CTNNA3: variants seen among roughly 807,000 people sequenced by gnomAD.
CTNNA3 encodes catenin alpha-3.
In CTNNA3, 76 loss-of-function variants were observed where a neutral mutation model predicts 95.7. That is an observed-to-expected ratio of 0.79 (90% CI 0.66 to 0.96). The LOEUF is 0.96. Among genes scored for constraint, CTNNA3 ranks in the 40% least tolerant of loss-of-function variants. CTNNA3 has a pLI of 0.00. For missense variants in CTNNA3, 1,191 were observed against 1,089.8 expected (o/e 1.09, Z -1.31); for synonymous variants, 431 against 374.4 (o/e 1.15, Z -1.74).
intron 1 of CTNNA3, among the ~76,000 whole-genome samples, chr10:67,669,471 G>A (rs147122724): frequency 6.6e-6 from 1 of 152,104 alleles, no homozygotes; most frequent in Non-Finnish European, 1.5e-5. Context: ...GAGAAGAAAT[G>A]TCATAATAAG....
At chr10:66,465,640 C>T (rs1838881487) in intron 11 of CTNNA3, among the ~76,000 whole-genome samples, 1 of 152,080 alleles carries the variant, frequency 6.6e-6, no homozygotes, top group Admixed American at 6.6e-5. Flanking sequence ...GAATCAGACT[C>T]AGGAAGCACA....
In CTNNA3 at chr10:67,407,026, C is replaced by A. The variant is rs1845162970; in HGVS notation, c.579+114816G>T. On this transcript the variant is annotated intron_variant, in intron 5 of 17. Transcript: ENST00000433211. ...TGGTACCATTCCTATTGAAACTATT[C>A]CAAACAATTGAAAAGCAGGGACTCC... is the stretch of plus-strand genomic sequence containing the variant. Among the ~76,000 whole-genome samples the A allele has an allele frequency of 1.3e-5, 2 of 152,134 alleles. 1 individual carries two copies. Among genetic ancestry groups the A allele is most frequent in the South Asian group, 4.1e-4 (2 of 4,820 alleles).
At chr10:67,169,998 G>T (rs1861944873) in intron 7 of CTNNA3, among the ~76,000 whole-genome samples, 1 of 152,090 alleles carries the variant, frequency 6.6e-6, no homozygotes, top group Non-Finnish European at 1.5e-5. Context: ...ACATAGATGT[G>T]GCCAACTAGC....
intron 10 of CTNNA3, among the ~76,000 whole-genome samples, chr10:66,551,355 A>G (rs1842209412): frequency 6.6e-6 from 1 of 152,082 alleles, no homozygotes; most frequent in Non-Finnish European, 1.5e-5. Context: ...GCATTCCTGT[A>G]AGTAATATAC....
intron 16 of CTNNA3, among the ~76,000 whole-genome samples, chr10:65,976,913 C>T (rs191413110): frequency 1.3e-5 from 2 of 152,094 alleles, no homozygotes; most frequent in African/African-American, 4.8e-5. Flanking sequence ...TTCTTTCAAA[C>T]CATAGGTTGT....
intron 3 of CTNNA3, 58 bp from the exon 4 acceptor site, chr10:67,539,727 G>A: frequency 6.7e-7 from 1 of 1,488,438 alleles, no homozygotes; most frequent in East Asian, 2.3e-5. Context: ...CCTATTTCAG[G>A]ATTTATCAGC....
Position 66,508,210 on chromosome 10 carries a change from G to GTTTTTTTTTTTTTTTTTTTTTTTTTT in CTNNA3, c.1531+12406_1531+12407insAAAAAAAAAAAAAAAAAAAAAAAAAA, listed in dbSNP as rs756807793. ...TTTTTTTTGTTTTGTTTTGTTTTCTGTTTTTTTTTTTTTTAACAATTTCGT... is the reference window on the plus strand; with the variant it reads ...TTTTTTTTGTTTTGTTTTGTTTTCTGTTTTTTTTTTTTTTTTTTTTTTTTTTTTTTTTTTTTTTTTAACAATTTCGT... On this transcript the variant is annotated intron_variant, in intron 11 of 17. Transcript: ENST00000433211. Among the ~76,000 whole-genome samples the GTTTTTTTTTTTTTTTTTTTTTTTTTT allele has an allele frequency of 6.6e-4, 72 of 108,388 alleles. 2 individuals carry two copies. The highest frequency in any genetic ancestry group is 1.6e-3 in the African/African-American group (45 of 28,294). The allele number at this position is 108,388 out of a possible 152,430, so 71.1% of individuals were successfully genotyped here.
intron 7 of CTNNA3, among the ~76,000 whole-genome samples, chr10:66,936,973 T>C (rs1338231422): frequency 6.6e-6 from 1 of 152,174 alleles, no homozygotes; most frequent in Non-Finnish European, 1.5e-5. Flanking sequence ...TAAAGCACTC[T>C]GAAATCATCC....
At chr10:66,383,334 G>T (rs911971948) in intron 11 of CTNNA3, among the ~76,000 whole-genome samples, 8 of 152,176 alleles carry the variant, frequency 5.3e-5, no homozygotes. Context: ...TCAAGTGGAA[G>T]AAAGGGTATC....
intron 8 of CTNNA3, among the ~76,000 whole-genome samples, chr10:66,768,753 T>C (rs1376631438): frequency 2.7e-5 from 4 of 147,650 alleles, no homozygotes; most frequent in South Asian, 4.4e-4. Context: ...ACATTAAACA[T>C]TACAATAAAG....
chr10:66,247,379 A>G (rs2090377233), intron 13 of CTNNA3, among the ~76,000 whole-genome samples: 1 of 152,122 alleles, frequency 6.6e-6, no homozygotes, highest in Non-Finnish European at 1.5e-5. Flanking sequence ...TCCTGAAGAG[A>G]AGGACACAAA....
In CTNNA3 at chr10:66,024,085, ATTTTT is replaced by A. The variant is rs71474007; in HGVS notation, c.2160-35293_2160-35289del. Among the ~76,000 whole-genome samples, 314 of 87,750 alleles carry A rather than the reference ATTTTT, an allele frequency of 3.6e-3. 4 individuals are homozygous for A. The highest frequency in any genetic ancestry group is 0.013 in the African/African-American group (293 of 23,110). 57.6% of individuals were successfully genotyped at this position (87,750 alleles called of 152,430 possible). ...TATCACAGAAACTTATACCATACAC[ATTTTT>A]TTTTTTTTTTTTTTTTTGAGACGGA... is the stretch of plus-strand genomic sequence containing the variant. On this transcript the variant is annotated intron_variant, in intron 15 of 17. Coordinates refer to ENST00000433211, the MANE Select transcript of CTNNA3 (RefSeq NM_013266.4).
At chr10:67,641,438 G>A (rs1012477340) in intron 2 of CTNNA3, among the ~76,000 whole-genome samples, 19 of 152,158 alleles carry the variant, frequency 1.2e-4, no homozygotes, top group African/African-American at 3.1e-4. Context: ...CCATTGTGGA[G>A]GTCAGTGTGG....
intron 7 of CTNNA3, among the ~76,000 whole-genome samples, chr10:66,968,739 G>A (rs571271765): frequency 1.2e-4 from 19 of 152,030 alleles, no homozygotes; most frequent in Admixed American, 3.3e-4. Flanking sequence ...ATTTTTGGCC[G>A]GGCATGGTGG....
At chr10:67,011,057 C>A (rs757130549) in intron 7 of CTNNA3, among the ~76,000 whole-genome samples, 47 of 152,138 alleles carry the variant, frequency 3.1e-4, no homozygotes, top group African/African-American at 1.1e-3. Flanking sequence ...AGGCCAGGCG[C>A]GGTGGCTCAC....
At chr10:67,565,877 A>G (rs1841748624) in intron 3 of CTNNA3, among the ~76,000 whole-genome samples, 1 of 135,016 alleles carries the variant, frequency 7.4e-6, no homozygotes. Context: ...GCCAATATAT[A>G]AAAAAGATAC....
rs202160937 is a variant in CTNNA3, at chr10:66,747,007, GA to G, written c.1281+19256del. Among the ~76,000 whole-genome samples the G allele has an allele frequency of 4.0e-3, 575 of 143,466 alleles. 3 individuals are homozygous for G. Among genetic ancestry groups the G allele is most frequent in the African/African-American group, 0.014 (529 of 39,062 alleles). The allele number at this position is 143,466 out of a possible 152,430, so 94.1% of individuals were successfully genotyped here. ...AGTAATGTCAAGATGTTTTCCAAGA[GA>G]AAAAAAAAAGTCTTTTCATCAATAT... On this transcript the variant is annotated intron_variant, in intron 9 of 17. Coordinates refer to ENST00000433211, the MANE Select transcript of CTNNA3 (RefSeq NM_013266.4).
chr10:66,477,575 T>A (rs758674482), intron 11 of CTNNA3, among the ~76,000 whole-genome samples: 58 of 152,056 alleles, frequency 3.8e-4, no homozygotes, highest in Admixed American at 1.4e-3. Flanking sequence ...GAAACACATA[T>A]CGTATTGTAA....
At chr10:67,478,623 T>C (rs1219517012) in intron 5 of CTNNA3, among the ~76,000 whole-genome samples, 1 of 152,146 alleles carries the variant, frequency 6.6e-6, no homozygotes, top group Non-Finnish European at 1.5e-5. Context: ...CAAGAGATCC[T>C]TAAGGGAGTC....
Sources: allele counts gnomAD v4.1 joint callset (sites outside exome capture counted in the v4.1 genomes callset), GRCh38; gene constraint gnomAD v4.1.1; transcripts MANE v1.5; gene names NCBI Gene and HGNC (gene_info 2026-07-23, HGNC 2026-07-21).